The following MAGI2 variants were observed in gnomAD, a reference collection of about 807,000 sequenced individuals.
MAGI2 encodes the protein membrane associated guanylate kinase, WW and PDZ domain containing 2, also known as membrane-associated guanylate kinase, WW and PDZ domain-containing protein 2.
In MAGI2, 35 loss-of-function variants were observed where a neutral mutation model predicts 133.3. The observed-to-expected ratio is 0.26, with a 90% CI of 0.20 to 0.35. MAGI2 has a LOEUF of 0.35. Ranked by LOEUF, MAGI2 falls within the 10% of genes least tolerant of loss-of-function variation. MAGI2 has a pLI of 1.00. For missense variants in MAGI2, 1,636 were observed against 1,863.4 expected, an observed-to-expected ratio of 0.88 and a Z score of 2.25; for synonymous variants, 729 against 710.6, an observed-to-expected ratio of 1.03 and a Z score of -0.41.
intron 9 of MAGI2, among the ~76,000 whole-genome samples, chr7:78,311,620 G>A (rs1798710960): frequency 6.6e-6 from 1 of 152,154 alleles, no homozygotes; most frequent in Non-Finnish European, 1.5e-5. Flanking sequence ...TGATGCATGA[G>A]AACATGTCAA....
At chr7:78,300,529 C>A (rs1454776708) in intron 9 of MAGI2, among the ~76,000 whole-genome samples, 1 of 152,152 alleles carries the variant, frequency 6.6e-6, no homozygotes, top group Non-Finnish European at 1.5e-5. Context: ...TCCTTAACAG[C>A]CCACGGTGGC....
At chr7:78,137,189 G>A (rs1041524846) in intron 16 of MAGI2, among the ~76,000 whole-genome samples, 1 of 152,102 alleles carries the variant, frequency 6.6e-6, no homozygotes, top group African/African-American at 2.4e-5. Context: ...CCCCTTTCAT[G>A]TTCAACAGTG....
chr7:78,534,832 A>G (rs1797746375), intron 3 of MAGI2, among the ~76,000 whole-genome samples: 1 of 151,062 alleles, frequency 6.6e-6, no homozygotes, highest in Non-Finnish European at 1.5e-5. Context: ...CTAAAGTGAA[A>G]TTAGAAAAAA....
chr7:78,910,936 T>G (rs2363915), intron 2 of MAGI2, among the ~76,000 whole-genome samples: 1,992 of 152,306 alleles, frequency 0.013, 58 homozygotes, highest in East Asian at 0.12. Context: ...ACATTTGCAC[T>G]CTTGACCAAT....
intron 3 of MAGI2, among the ~76,000 whole-genome samples, chr7:78,564,232 C>A (rs1020714527): frequency 1.3e-5 from 2 of 152,136 alleles, no homozygotes; most frequent in Non-Finnish European, 2.9e-5. Context: ...TCATGGATAC[C>A]AGCTTTAATG....
At chr7:78,610,476 G>T (rs1806321027) in intron 3 of MAGI2, among the ~76,000 whole-genome samples, 1 of 152,194 alleles carries the variant, frequency 6.6e-6, no homozygotes, top group South Asian at 2.1e-4. Flanking sequence ...GAATGATATT[G>T]TTGCTTTCCA....
rs561650059 is a variant in MAGI2 at position 78,371,424 on chromosome 7, C to T, written c.1046-2211G>A. 2.3e-3 allele frequency among the ~76,000 whole-genome samples: 347 copies of T among 151,956 alleles called. 2 individuals carry two copies. The highest frequency in any genetic ancestry group is 3.4e-3 in the Middle Eastern group (1 of 294). On this transcript the variant is annotated intron_variant, in intron 6 of 21. Transcript: ENST00000354212. ...TGAATGCAACAATATATAAAACAATCATGTTCAATAAACATAAAGAGTAAA... is the reference window on the plus strand; with the variant it reads ...TGAATGCAACAATATATAAAACAATTATGTTCAATAAACATAAAGAGTAAA...
At chr7:78,959,740 T>C (rs1283932180) in intron 2 of MAGI2, among the ~76,000 whole-genome samples, 1 of 152,168 alleles carries the variant, frequency 6.6e-6, no homozygotes, top group African/African-American at 2.4e-5. Context: ...CCTGGATTAC[T>C]GACCCCATAA....
chr7:79,163,294 G>C (rs573238933), intron 1 of MAGI2, among the ~76,000 whole-genome samples: 58 of 152,176 alleles, frequency 3.8e-4, no homozygotes, highest in Admixed American at 2.8e-3. Flanking sequence ...TCCTGCCTCA[G>C]CCTCTCAAGT....
chr7:79,183,902 C>G (rs918347793), intron 1 of MAGI2, among the ~76,000 whole-genome samples: 2 of 151,642 alleles, frequency 1.3e-5, no homozygotes, highest in Non-Finnish European at 2.9e-5. Context: ...ACAAATACTG[C>G]ATGATCTTAT....
At chr7:79,138,488 T>C (rs1821800426) in intron 1 of MAGI2, among the ~76,000 whole-genome samples, 1 of 152,216 alleles carries the variant, frequency 6.6e-6, no homozygotes, top group African/African-American at 2.4e-5. Flanking sequence ...AGGAAAGTAG[T>C]ATAGGCTTCT....
chr7:78,648,840 C>T (rs530053426), intron 2 of MAGI2, among the ~76,000 whole-genome samples: 1 of 152,276 alleles, frequency 6.6e-6, no homozygotes, highest in Admixed American at 6.5e-5. Flanking sequence ...AGGAATCCTG[C>T]TGCTTGCCTC....
chr7:78,691,376 C>CA (rs1816937646), intron 2 of MAGI2, among the ~76,000 whole-genome samples: 1 of 152,144 alleles, frequency 6.6e-6, no homozygotes, highest in South Asian at 2.1e-4. Context: ...CAGGGTCTGG[C>CA]ATGCAGTGGA....
At chr7:79,186,944 G>A (rs1401085568) in intron 1 of MAGI2, among the ~76,000 whole-genome samples, 1 of 150,760 alleles carries the variant, frequency 6.6e-6, no homozygotes, top group Non-Finnish European at 1.5e-5. Context: ...TTATTAAAAA[G>A]AACTCAGACT....
chr7:78,155,368 C>G (rs1208509230), intron 16 of MAGI2, among the ~76,000 whole-genome samples: 1 of 152,192 alleles, frequency 6.6e-6, no homozygotes, highest in Non-Finnish European at 1.5e-5. Context: ...AATCCAAGCA[C>G]TTTGGGAGGC....
chr7:78,342,850 C>T (rs1363105703), intron 9 of MAGI2, among the ~76,000 whole-genome samples: 1 of 152,044 alleles, frequency 6.6e-6, no homozygotes, highest in Non-Finnish European at 1.5e-5. Flanking sequence ...TGGAGAAATA[C>T]CTAATGTAGA....
At chr7:78,876,326 A>G (rs2151533253) in intron 2 of MAGI2, among the ~76,000 whole-genome samples, 1 of 151,022 alleles carries the variant, frequency 6.6e-6, no homozygotes, top group Admixed American at 6.6e-5. Flanking sequence ...CGTCTCAAAA[A>G]AAAAAAAAAA....
chr7:78,269,487 G>A (rs184505327), intron 9 of MAGI2, among the ~76,000 whole-genome samples: 4 of 152,320 alleles, frequency 2.6e-5, no homozygotes, highest in Admixed American at 2.0e-4. Context: ...TAACTGGCAT[G>A]AGATAGTATC....
intron 1 of MAGI2, among the ~76,000 whole-genome samples, chr7:79,103,648 C>T (rs144587119): frequency 3.2e-4 from 48 of 152,058 alleles, no homozygotes; most frequent in African/African-American, 9.6e-4. Flanking sequence ...AAGAGGCACA[C>T]CAGGACTTTC....
Sources: gnomAD v4.1 joint callset for allele counts (sites outside exome capture counted in the v4.1 genomes callset) on GRCh38, gnomAD v4.1.1 for gene constraint, MANE v1.5 for transcripts, NCBI Gene and HGNC (gene_info 2026-07-23, HGNC 2026-07-21) for gene names.